SFXN1: variants seen among roughly 807,000 people sequenced by gnomAD.
The protein encoded by SFXN1 is sideroflexin 1, also known as sideroflexin-1.
SFXN1 carries 32 observed loss-of-function variants against 39.5 expected under a neutral mutation model. The observed-to-expected ratio is 0.81, with a 90% confidence interval of 0.61 to 1.09. The LOEUF (loss-of-function observed/expected upper bound fraction) is 1.09, where lower values mean the gene tolerates loss of function less well. SFXN1 is among the 50% of genes least tolerant of loss of function. The pLI is 0.00. For missense variants in SFXN1, 402 were observed against 407.1 expected, an observed-to-expected ratio of 0.99 and a Z score of 0.11; for synonymous variants, 136 against 146.5, an observed-to-expected ratio of 0.93 and a Z score of 0.52.
At chr5:175,507,895 C>T (rs1760365616) in intron 2 of SFXN1, among the ~76,000 whole-genome samples, 2 of 151,222 alleles carry the variant, frequency 1.3e-5, no homozygotes, top group South Asian at 4.2e-4. Flanking sequence ...ATCACTTGAG[C>T]TCAGCAGTTC....
chr5:175,508,645 A>G (rs1172265413), intron 2 of SFXN1, among the ~76,000 whole-genome samples: 1 of 149,192 alleles, frequency 6.7e-6, no homozygotes, highest in Admixed American at 6.7e-5. Flanking sequence ...GTGAGCATAA[A>G]TTTTTTTTTT....
chr5:175,511,600 ATTTC>A (rs1760518920), intron 5 of SFXN1, 74 bp downstream of exon 5: 2 of 1,213,870 alleles, frequency 1.6e-6, no homozygotes, highest in East Asian at 4.7e-5. Context: ...TCCCTCTATT[ATTTC>A]TTAAACTAGT....
chr5:175,488,986 C>T (rs1759554862), intron 1 of SFXN1, among the ~76,000 whole-genome samples: 1 of 152,176 alleles, frequency 6.6e-6, no homozygotes, highest in Admixed American at 6.5e-5. Flanking sequence ...TTCACTCTGC[C>T]ATCCCAGTGT....
intron 10 of SFXN1, 89 bp downstream of exon 10, chr5:175,522,511 C>A: frequency 7.4e-7 from 1 of 1,358,862 alleles, no homozygotes; most frequent in Non-Finnish European, 1.0e-6. Flanking sequence ...ATTTCATTGG[C>A]AGGGAAGTTG....
At chr5:175,523,848 T>C (rs992335774) in intron 10 of SFXN1, 1 of 152,076 alleles carries the variant, frequency 6.6e-6, no homozygotes, top group Non-Finnish European at 1.5e-5. Context: ...TTGTTGTTTA[T>C]ACATTGTATG....
At chr5:175,524,125 A>ATATAT (rs1561678512) in intron 10 of SFXN1, 1 of 32,516 alleles carries the variant, frequency 3.1e-5, no homozygotes, top group African/African-American at 1.5e-4. Context: ...AAAAAAAAAA[A>ATATAT]ATATATATAT....
chr5:175,511,357 C>G (rs932437882), intron 4 of SFXN1, 94 bp from the exon 5 acceptor site: 50 of 951,136 alleles, frequency 5.3e-5, no homozygotes, highest in Non-Finnish European at 1.2e-5. Flanking sequence ...GAATCATGCT[C>G]TTTTATATTT....
chr5:175,513,683 C>A (rs1045873397), intron 7 of SFXN1, 93 bp downstream of exon 7: 1 of 1,380,036 alleles, frequency 7.2e-7, no homozygotes, highest in African/African-American at 1.4e-5. Context: ...TATCACACCT[C>A]TTAGTGGAAA....
chr5:175,495,661 G>A (rs1034077389), intron 2 of SFXN1, among the ~76,000 whole-genome samples: 20 of 151,388 alleles, frequency 1.3e-4, no homozygotes, highest in Middle Eastern at 3.4e-3. Context: ...CCCGGGAGGC[G>A]GAGGTTGCAG....
At chr5:175,524,118 AAAAAAAAATATATATATAT>A (rs1418947465) in intron 10 of SFXN1, 46 of 66,532 alleles carry the variant, frequency 6.9e-4, no homozygotes, top group East Asian at 1.4e-3. Flanking sequence ...AAAAAAAAAA[AAAAAAAAATATATATATAT>A]ATATATATAT....
chr5:175,506,719 T>G (rs1760316011), intron 2 of SFXN1, among the ~76,000 whole-genome samples: 1 of 152,004 alleles, frequency 6.6e-6, no homozygotes, highest in African/African-American at 2.4e-5. Context: ...CAGGCTGGAG[T>G]GCAGTAGCAC....
At chr5:175,505,023 C>T (rs1325136000) in intron 2 of SFXN1, among the ~76,000 whole-genome samples, 6 of 152,068 alleles carry the variant, frequency 3.9e-5, no homozygotes, top group Non-Finnish European at 5.9e-5. Flanking sequence ...CCATCGCACC[C>T]GGCCAGAACA....
chr5:175,503,334 A>G (rs1302853381), intron 2 of SFXN1, among the ~76,000 whole-genome samples: 1 of 152,258 alleles, frequency 6.6e-6, no homozygotes, highest in Non-Finnish European at 1.5e-5. Flanking sequence ...GATTTAAAAA[A>G]TACAAAAAGA....
Position 175,511,508 on chromosome 5 carries a change from A to G in SFXN1, c.492A>G (p.Gly164=). ...ATTGAVATAL[G]LNALTKHVSP... ...CTGGTGCCGTAGCAACAGCTCTAGG[A>G]CTCAATGCATTGACCAAGGTACTCA... Residue 164 remains glycine, a synonymous_variant, in exon 5 of 11, where the codon GGA becomes GGG. Transcript: ENST00000321442. The G allele has an allele frequency of 6.2e-7, 1 of 1,613,978 alleles. No homozygotes were observed. Among genetic ancestry groups the G allele is most frequent in the Non-Finnish European group, 8.5e-7 (1 of 1,179,926 alleles).
chr5:175,522,339 T>G, intron 9 of SFXN1, 36 bp from the exon 10 acceptor site: 1 of 1,565,910 alleles, frequency 6.4e-7, no homozygotes, highest in Non-Finnish European at 8.6e-7. Flanking sequence ...ATTAACCATT[T>G]AAAATGGTCT....
chr5:175,526,378 C>T (rs1268630311), intron 10 of SFXN1, among the ~76,000 whole-genome samples: 1 of 151,962 alleles, frequency 6.6e-6, no homozygotes, highest in Non-Finnish European at 1.5e-5. Context: ...ACACTCTTGC[C>T]GGCAATAAGA....
intron 10 of SFXN1, chr5:175,525,887 T>C (rs1234103982): frequency 6.6e-6 from 1 of 152,244 alleles, no homozygotes; most frequent in Non-Finnish European, 1.5e-5. Context: ...GCTCCGAGAT[T>C]ACAGGTGTGA....
intron 10 of SFXN1, among the ~76,000 whole-genome samples, chr5:175,524,560 C>G (rs1432617290): frequency 6.6e-6 from 1 of 150,950 alleles, no homozygotes; most frequent in East Asian, 1.9e-4. Flanking sequence ...ATATTTATAG[C>G]TTTAAATGTT....
chr5:175,523,883 C>T (rs911060838), intron 10 of SFXN1: 1 of 151,770 alleles, frequency 6.6e-6, no homozygotes, highest in African/African-American at 2.4e-5. Flanking sequence ...GTCTCTGGCT[C>T]CTCAGTTTTT....
Sources: allele counts gnomAD v4.1 joint callset (sites outside exome capture counted in the v4.1 genomes callset), GRCh38; gene constraint gnomAD v4.1.1; transcripts MANE v1.5; gene names NCBI Gene and HGNC (gene_info 2026-07-23, HGNC 2026-07-21).